Variants in SOX6 observed in about 807,000 individuals in gnomAD.
SOX6 encodes the protein transcription factor SOX-6.
A neutral mutation model predicts 97.8 loss-of-function variants in SOX6; 11 were observed. That is an observed-to-expected ratio of 0.11 (90% confidence interval 0.07 to 0.19). The LOEUF (loss-of-function observed/expected upper bound fraction) is 0.19, where lower values mean the gene tolerates loss of function less well. Ranked by LOEUF, SOX6 falls within the 10% of genes least tolerant of loss-of-function variation. The pLI is 1.00. For synonymous variants in SOX6, 360 were observed against 371.4 expected (o/e 0.97, Z 0.35); for missense variants, 810 against 1,039.5 (o/e 0.78, Z 3.04).
Position 16,183,868 on chromosome 11 carries a change from G to A in SOX6, c.777+18C>T. ...AGTATCTAAGTATAATCAGACGAGA[G>A]TAATAAAATACACTGACCTGGATCT... On this transcript the variant is annotated intron_variant, in intron 6 of 15. Transcript: ENST00000683767. The A allele has an allele frequency of 6.2e-7, 1 of 1,608,970 alleles. No individual in the cohort carries two copies. Among genetic ancestry groups the A allele is most frequent in the Non-Finnish European group, 8.5e-7 (1 of 1,175,808 alleles).
intron 3 of SOX6, among the ~76,000 whole-genome samples, chr11:16,635,294 G>A (rs1848768512): frequency 6.6e-6 from 1 of 152,228 alleles, no homozygotes; most frequent in African/African-American, 2.4e-5. Context: ...TGACCAAAAT[G>A]CTGATAGTGA....
At chr11:16,585,834 C>T (rs901939120) in intron 4 of SOX6, among the ~76,000 whole-genome samples, 1 of 151,850 alleles carries the variant, frequency 6.6e-6, no homozygotes, top group Non-Finnish European at 1.5e-5. Flanking sequence ...AGGCACATGC[C>T]ACCACACCTG....
chr11:16,619,813 A>G (rs1365584724), intron 3 of SOX6, among the ~76,000 whole-genome samples: 3 of 152,138 alleles, frequency 2.0e-5, no homozygotes. Flanking sequence ...ACTTGTCCTT[A>G]TAATTTTTAT....
rs542710420 is a variant in SOX6, at chr11:16,065,697, G to A, written c.1102-9796C>T. Among the ~76,000 whole-genome samples the A allele has an allele frequency of 5.3e-5, 8 of 152,222 alleles. No individual in the cohort carries two copies. The South Asian group carries it at 1.7e-3, about 32-fold the overall frequency. On this transcript the variant is annotated intron_variant, in intron 9 of 15. Coordinates refer to ENST00000683767, the MANE Select transcript of SOX6 (RefSeq NM_001367873.1). ...TCAATAAATGGGGCTAGAAAGACAG[G>A]ATATTCATATGCAGAAGAATGAAAC...
At chr11:16,283,515 A>G (rs1399337220) in intron 3 of SOX6, among the ~76,000 whole-genome samples, 2 of 151,864 alleles carry the variant, frequency 1.3e-5, no homozygotes, top group South Asian at 2.1e-4. Flanking sequence ...TTTTCTTTAA[A>G]CCATAATTTT....
intron 2 of SOX6, among the ~76,000 whole-genome samples, chr11:16,333,380 T>A (rs933887844): frequency 6.6e-6 from 1 of 152,192 alleles, no homozygotes; most frequent in Non-Finnish European, 1.5e-5. Context: ...AATGTGCAGA[T>A]TTTATTGTTC....
At chr11:16,436,032 C>A (rs1859369495) in intron 1 of SOX6, among the ~76,000 whole-genome samples, 1 of 152,110 alleles carries the variant, frequency 6.6e-6, no homozygotes, top group Admixed American at 6.5e-5. Context: ...TGCCATCTAG[C>A]CCTGGCCTTA....
chr11:16,256,025 C>T (rs762745639), intron 3 of SOX6, among the ~76,000 whole-genome samples: 1 of 151,944 alleles, frequency 6.6e-6, no homozygotes, highest in Non-Finnish European at 1.5e-5. Flanking sequence ...AGAGAAACGA[C>T]ACAATCTGCC....
chr11:16,392,002 G>T (rs1222274473), intron 1 of SOX6, among the ~76,000 whole-genome samples: 2 of 151,892 alleles, frequency 1.3e-5, no homozygotes, highest in Non-Finnish European at 2.9e-5. Flanking sequence ...TACATATATA[G>T]TACAAAATAT....
chr11:16,289,724 C>A (rs1854854617), intron 3 of SOX6, among the ~76,000 whole-genome samples: 2 of 151,968 alleles, frequency 1.3e-5, no homozygotes, highest in Admixed American at 6.6e-5. Flanking sequence ...CTGTGTCTGA[C>A]AAACCAGTCC....
intron 1 of SOX6, among the ~76,000 whole-genome samples, chr11:16,402,320 G>T (rs955841611): frequency 1.3e-5 from 2 of 151,552 alleles, no homozygotes; most frequent in Non-Finnish European, 3.0e-5. Context: ...AAATCCCGTA[G>T]AGTGGTGAAA....
At chr11:16,543,963 G>T (rs1847584336) in intron 4 of SOX6, among the ~76,000 whole-genome samples, 1 of 152,048 alleles carries the variant, frequency 6.6e-6, no homozygotes, top group Admixed American at 6.6e-5. Flanking sequence ...ATAACTAAAG[G>T]GTAGAAGGAT....
At chr11:16,132,505 A>AAAGCAAGCAAGCAAGC (rs57320186) in intron 6 of SOX6, among the ~76,000 whole-genome samples, 957 of 86,006 alleles carry the variant, frequency 0.011, 89 homozygotes, top group Middle Eastern at 0.027. Context: ...AGAAAGAAAG[A>AAAGCAAGCAAGCAAGC]AAGCTTATCT....
At chr11:16,026,146 T>A (rs1304199155) in intron 12 of SOX6, among the ~76,000 whole-genome samples, 2 of 152,156 alleles carry the variant, frequency 1.3e-5, no homozygotes, top group African/African-American at 4.8e-5. Context: ...AGTTAACTTA[T>A]CTCCATGGTT....
intron 4 of SOX6, among the ~76,000 whole-genome samples, chr11:16,522,700 G>T (rs565536896): frequency 6.6e-6 from 1 of 152,306 alleles, no homozygotes; most frequent in African/African-American, 2.4e-5. Context: ...TGGATAAAGA[G>T]TCAAGACCCA....
At chr11:16,611,173 C>A (rs966218541) in intron 4 of SOX6, among the ~76,000 whole-genome samples, 1 of 152,212 alleles carries the variant, frequency 6.6e-6, no homozygotes, top group Non-Finnish European at 1.5e-5. Context: ...AGGAAAGGCG[C>A]GCACGGTTCC....
intron 3 of SOX6, among the ~76,000 whole-genome samples, chr11:16,279,628 T>C (rs562249506): frequency 1.3e-5 from 2 of 149,944 alleles, no homozygotes; most frequent in South Asian, 2.1e-4. Context: ...GAGAATCAGA[T>C]GAAAACTTAC....
chr11:16,373,420 T>C (rs1305322230), intron 1 of SOX6, among the ~76,000 whole-genome samples: 1 of 152,074 alleles, frequency 6.6e-6, no homozygotes, highest in Non-Finnish European at 1.5e-5. Context: ...ACACTTTGTT[T>C]TGTTCCATTG....
rs571268828 is a variant in SOX6, at chr11:16,522,081, C to T, written n.610-45693G>A. 1.3e-3 allele frequency among the ~76,000 whole-genome samples: 197 copies of T among 152,176 alleles called. 2 individuals carry two copies. Among genetic ancestry groups the T allele is most frequent in the African/African-American group, 4.3e-3 (180 of 41,520 alleles). ...GCAGGATATTATCCAGGAGAACTTCCCCAATCTAGCAAGGCAGGCCAACAT... is the reference window on the plus strand; with the variant it reads ...GCAGGATATTATCCAGGAGAACTTCTCCAATCTAGCAAGGCAGGCCAACAT... On this transcript the variant is annotated intron_variant and non_coding_transcript_variant, in intron 4 of 5. Coordinates refer to the SOX6 transcript ENST00000524520.
Sources: gnomAD v4.1 joint callset for allele counts (sites outside exome capture counted in the v4.1 genomes callset) on GRCh38, gnomAD v4.1.1 for gene constraint, MANE v1.5 for transcripts, NCBI Gene and HGNC (gene_info 2026-07-23, HGNC 2026-07-21) for gene names.